Variants in PDE4B observed in about 807,000 individuals in gnomAD.
PDE4B encodes phosphodiesterase 4B.
PDE4B carries 20 observed loss-of-function variants against 82.2 expected under a neutral mutation model. That is an observed-to-expected ratio of 0.24 (90% CI 0.17 to 0.35). The LOEUF (loss-of-function observed/expected upper bound fraction) is 0.35. PDE4B is among the 10% of genes least tolerant of loss of function. PDE4B has a pLI of 1.00. For missense variants in PDE4B, 655 were observed against 907.2 expected (o/e 0.72, Z 3.57); for synonymous variants, 320 against 318.9 (o/e 1.00, Z -0.04).
chr1:65,821,790 C>T (rs1380403747), intron 1 of PDE4B, among the ~76,000 whole-genome samples: 1 of 152,148 alleles, frequency 6.6e-6, no homozygotes, highest in East Asian at 1.9e-4. Context: ...ACTGTAGAGT[C>T]TTTAAAAAAT....
chr1:66,020,833 T>C (rs1299595709), intron 3 of PDE4B, among the ~76,000 whole-genome samples: 4 of 152,246 alleles, frequency 2.6e-5, no homozygotes, highest in Admixed American at 2.6e-4. Flanking sequence ...ATATGCCCAG[T>C]AACGGGATGG....
chr1:65,830,253 A>C (rs1266395290), intron 1 of PDE4B, among the ~76,000 whole-genome samples: 1 of 152,202 alleles, frequency 6.6e-6, no homozygotes, highest in East Asian at 1.9e-4. Context: ...ATGATTGAAA[A>C]ATAAATAAAT....
chr1:65,988,688 T>C (rs1287108367), intron 3 of PDE4B, among the ~76,000 whole-genome samples: 1 of 152,148 alleles, frequency 6.6e-6, no homozygotes, highest in Non-Finnish European at 1.5e-5. Flanking sequence ...TCTTAATTCA[T>C]TGTCTTCTCA....
intron 3 of PDE4B, among the ~76,000 whole-genome samples, chr1:65,980,975 GATA>G (rs1650653878): frequency 6.6e-6 from 1 of 152,044 alleles, no homozygotes; most frequent in Non-Finnish European, 1.5e-5. Context: ...GCACAAATTG[GATA>G]ATTTTAAATC....
At chr1:65,956,752 A>G (rs972411973) in intron 3 of PDE4B, among the ~76,000 whole-genome samples, 2 of 152,144 alleles carry the variant, frequency 1.3e-5, no homozygotes, top group African/African-American at 4.8e-5. Context: ...AGTCTTGCAC[A>G]TATGTACCCG....
chr1:65,896,686 A>G (rs997253215), intron 1 of PDE4B, among the ~76,000 whole-genome samples: 4 of 152,138 alleles, frequency 2.6e-5, no homozygotes, highest in Non-Finnish European at 5.9e-5. Flanking sequence ...GTTTGCTATA[A>G]TCATTCATGA....
In PDE4B at chr1:66,361,677, C is replaced by A; in HGVS notation, c.904C>A (p.Gln302Lys). The A allele has an allele frequency of 1.2e-6, 2 of 1,613,534 alleles. No homozygotes were observed. Among genetic ancestry groups the A allele is most frequent in the Non-Finnish European group, 1.7e-6 (2 of 1,179,626 alleles). Reference protein sequence around the residue: ...TQKDREKKKKQQLMTQISGVK... With the variant: ...TQKDREKKKKKQLMTQISGVK... ...GAAAGACAGGGAGAAAAAGAAAAAGCAGCAGCTCATGACCCAGATAAGTGG... is the reference window on the plus strand; with the variant it reads ...GAAAGACAGGGAGAAAAAGAAAAAGAAGCAGCTCATGACCCAGATAAGTGG... Residue 302 changes from glutamine to lysine, a missense_variant, in exon 10 of 17, where the codon CAG becomes AAG. This residue lies in a region of PDE4B where 283 missense variants were observed against 516.4 expected (regional missense o/e 0.55). Transcript: ENST00000341517.
intron 3 of PDE4B, among the ~76,000 whole-genome samples, chr1:66,044,599 G>C (rs985453238): frequency 6.6e-6 from 1 of 151,604 alleles, no homozygotes; most frequent in Non-Finnish European, 1.5e-5. Flanking sequence ...CTGGACTCAC[G>C]ACGAGCACAG....
chr1:65,832,244 C>G (rs573295438), intron 1 of PDE4B, among the ~76,000 whole-genome samples: 1 of 152,222 alleles, frequency 6.6e-6, no homozygotes, highest in South Asian at 2.1e-4. Context: ...TTCAGTGTTT[C>G]CATTGCAGGA....
At chr1:66,287,027 CACTG>C (rs1656725321) in intron 7 of PDE4B, among the ~76,000 whole-genome samples, 1 of 152,160 alleles carries the variant, frequency 6.6e-6, no homozygotes, top group Non-Finnish European at 1.5e-5. Flanking sequence ...CATTATTAGA[CACTG>C]ACTATGTGTG....
chr1:66,164,181 T>C (rs544013845), intron 3 of PDE4B, among the ~76,000 whole-genome samples: 1 of 152,136 alleles, frequency 6.6e-6, no homozygotes, highest in South Asian at 2.1e-4. Flanking sequence ...ATATTTCGTA[T>C]GTGTGTTCTT....
intron 1 of PDE4B, among the ~76,000 whole-genome samples, chr1:65,812,517 A>C (rs960764615): frequency 6.6e-6 from 1 of 152,174 alleles, no homozygotes. Context: ...GGTGGCATTA[A>C]ATTTCCAAGA....
chr1:65,834,941 C>A (rs1410246362), intron 1 of PDE4B, among the ~76,000 whole-genome samples: 2 of 152,176 alleles, frequency 1.3e-5, no homozygotes, highest in Non-Finnish European at 2.9e-5. Flanking sequence ...CCCTGGAGAA[C>A]TGCTTGTTAA....
intron 7 of PDE4B, among the ~76,000 whole-genome samples, chr1:66,266,449 G>A (rs933946566): frequency 1.3e-5 from 2 of 152,140 alleles, no homozygotes; most frequent in Non-Finnish European, 2.9e-5. Context: ...AAGACCTAAG[G>A]TGCTCCACGT....
chr1:65,912,546 A>T (rs1647107793), intron 1 of PDE4B, among the ~76,000 whole-genome samples: 1 of 152,212 alleles, frequency 6.6e-6, no homozygotes, highest in African/African-American at 2.4e-5. Flanking sequence ...CATGAACTAC[A>T]GCATCTCTAT....
At chr1:66,248,548 T>G (rs1032835011) in intron 4 of PDE4B, among the ~76,000 whole-genome samples, 4 of 152,210 alleles carry the variant, frequency 2.6e-5, no homozygotes, top group Non-Finnish European at 5.9e-5. Context: ...CAGCACATTT[T>G]AATAGACGCA....
intron 8 of PDE4B, among the ~76,000 whole-genome samples, chr1:66,340,169 C>T (rs1468085221): frequency 6.6e-6 from 1 of 152,220 alleles, no homozygotes; most frequent in African/African-American, 2.4e-5. Context: ...CCTACCAGCA[C>T]CTCTCTGTCT....
chr1:65,793,879 C>G (rs374459366), intron 1 of PDE4B, among the ~76,000 whole-genome samples: 26 of 152,332 alleles, frequency 1.7e-4, no homozygotes, highest in African/African-American at 6.3e-4. Context: ...CATGCCTACT[C>G]TCTTCTTCCA....
intron 1 of PDE4B, among the ~76,000 whole-genome samples, chr1:65,856,493 C>A (rs1646394364): frequency 6.6e-6 from 1 of 152,104 alleles, no homozygotes; most frequent in Non-Finnish European, 1.5e-5. Flanking sequence ...CATCCATGTC[C>A]CTTCAAAGGA....
Sources: allele counts gnomAD v4.1 joint callset (sites outside exome capture counted in the v4.1 genomes callset), GRCh38; gene constraint gnomAD v4.1.1; regional missense constraint gnomAD v4.1.1; transcripts MANE v1.5; gene names NCBI Gene and HGNC (gene_info 2026-07-23, HGNC 2026-07-21).